The following MGAT4C variants were observed in gnomAD, a reference collection of about 807,000 sequenced individuals.
MGAT4C encodes the protein MGAT4 family member C.
Under a neutral mutation model 40.1 loss-of-function variants are expected in MGAT4C, and 19 were observed. That is an observed-to-expected ratio of 0.47 (90% CI 0.33 to 0.70). MGAT4C has a LOEUF of 0.70. Ranked by LOEUF, MGAT4C falls within the 30% of genes least tolerant of loss-of-function variation. The pLI, the probability that MGAT4C is intolerant of heterozygous loss-of-function variation, is 0.02. For synonymous variants in MGAT4C, 181 were observed against 187.1 expected (o/e 0.97, Z 0.27); for missense variants, 491 against 563.2 (o/e 0.87, Z 1.30).
At chr12:86,572,264 C>A (rs1041465136) in intron 2 of MGAT4C, among the ~76,000 whole-genome samples, 2 of 152,098 alleles carry the variant, frequency 1.3e-5, no homozygotes, top group African/African-American at 2.4e-5. Flanking sequence ...TAAATCAACA[C>A]AACCAGGCAG....
At chr12:86,733,142 A>G (rs1033044843) in intron 1 of MGAT4C, among the ~76,000 whole-genome samples, 1 of 152,076 alleles carries the variant, frequency 6.6e-6, no homozygotes, top group Non-Finnish European at 1.5e-5. Flanking sequence ...CATTAGAGAG[A>G]AATACTTAAA....
At chr12:86,480,152 T>G (rs1393748168) in intron 2 of MGAT4C, among the ~76,000 whole-genome samples, 1 of 151,774 alleles carries the variant, frequency 6.6e-6, no homozygotes, top group East Asian at 1.9e-4. Flanking sequence ...ATAAAAGTTT[T>G]GGAAAAAAAT....
chr12:86,149,408 T>C (rs953907710), intron 1 of MGAT4C, among the ~76,000 whole-genome samples: 4 of 152,234 alleles, frequency 2.6e-5, no homozygotes, highest in Admixed American at 2.0e-4. Flanking sequence ...TTTTAACTTA[T>C]GTAACCAAAG....
At chr12:86,541,707 T>C (rs1959168487) in intron 2 of MGAT4C, among the ~76,000 whole-genome samples, 1 of 152,242 alleles carries the variant, frequency 6.6e-6, no homozygotes, top group South Asian at 2.1e-4. Flanking sequence ...TTACAAATGA[T>C]AGGAACTTAA....
At chr12:86,357,986 G>A (rs1274058737) in intron 3 of MGAT4C, among the ~76,000 whole-genome samples, 2 of 152,010 alleles carry the variant, frequency 1.3e-5, no homozygotes, top group Non-Finnish European at 2.9e-5. Flanking sequence ...GAACACCACA[G>A]CGATACTCCT....
chr12:86,566,050 T>C (rs141403838), intron 2 of MGAT4C, among the ~76,000 whole-genome samples: 8 of 152,266 alleles, frequency 5.3e-5, no homozygotes, highest in African/African-American at 2.4e-5. Context: ...TGGCGACAAG[T>C]TGATTATATT....
intron 2 of MGAT4C, among the ~76,000 whole-genome samples, chr12:86,718,315 C>G (rs1188760801): frequency 1.3e-5 from 2 of 152,156 alleles, no homozygotes; most frequent in East Asian, 3.9e-4. Flanking sequence ...AAGCCCCAAA[C>G]AGTAGCTTAA....
chr12:86,734,453 C>A (rs1390214184), intron 1 of MGAT4C, among the ~76,000 whole-genome samples: 1 of 151,964 alleles, frequency 6.6e-6, no homozygotes, highest in South Asian at 2.1e-4. Flanking sequence ...ATAGTATGAG[C>A]TGAATATTTG....
At chr12:86,371,891 C>A (rs957365572) in intron 3 of MGAT4C, among the ~76,000 whole-genome samples, 1 of 151,818 alleles carries the variant, frequency 6.6e-6, no homozygotes, top group African/African-American at 2.4e-5. Flanking sequence ...TATAATAAGT[C>A]ATGAAATAAA....
intron 2 of MGAT4C, among the ~76,000 whole-genome samples, chr12:86,649,936 T>G (rs1311177492): frequency 1.3e-5 from 2 of 151,852 alleles, no homozygotes; most frequent in Non-Finnish European, 2.9e-5. Flanking sequence ...AATTTCAAAG[T>G]CAGTAGGACA....
At chr12:86,711,782 A>G (rs896537355) in intron 2 of MGAT4C, among the ~76,000 whole-genome samples, 2 of 152,170 alleles carry the variant, frequency 1.3e-5, no homozygotes, top group East Asian at 1.9e-4. Context: ...GTTGTTTTGT[A>G]TCAGAGCCAG....
chr12:86,638,085 C>T (rs138108562), intron 2 of MGAT4C, among the ~76,000 whole-genome samples: 266 of 149,078 alleles, frequency 1.8e-3, no homozygotes, highest in African/African-American at 6.0e-3. Flanking sequence ...TAATTTTATC[C>T]GTAAACAATT....
chr12:86,691,980 A>G (rs551638651), intron 2 of MGAT4C, among the ~76,000 whole-genome samples: 1 of 152,300 alleles, frequency 6.6e-6, no homozygotes, highest in South Asian at 2.1e-4. Flanking sequence ...TACTTTAATT[A>G]AGATATTGGT....
chr12:86,523,036 T>TA (rs1053278745), intron 2 of MGAT4C, among the ~76,000 whole-genome samples: 2 of 151,942 alleles, frequency 1.3e-5, no homozygotes, highest in Non-Finnish European at 2.9e-5. Flanking sequence ...TTCATTAATT[T>TA]AAAAAAACAA....
chr12:86,540,120 G>A (rs1436097980), intron 2 of MGAT4C, among the ~76,000 whole-genome samples: 1 of 152,152 alleles, frequency 6.6e-6, no homozygotes, highest in African/African-American at 2.4e-5. Flanking sequence ...GAATGGTAAT[G>A]CCTAGGTTTT....
At chr12:86,750,379 G>C (rs757454275) in intron 1 of MGAT4C, among the ~76,000 whole-genome samples, 1 of 151,634 alleles carries the variant, frequency 6.6e-6, no homozygotes, top group Non-Finnish European at 1.5e-5. Context: ...CATTAGTCAC[G>C]GGCTATACTT....
chr12:86,655,836 G>A (rs900668105), intron 2 of MGAT4C, among the ~76,000 whole-genome samples: 1 of 151,990 alleles, frequency 6.6e-6, no homozygotes, highest in East Asian at 1.9e-4. Flanking sequence ...TGTTATTACT[G>A]GTACTTGAAT....
At chr12:86,834,755 G>C (rs932161601) in intron 1 of MGAT4C, among the ~76,000 whole-genome samples, 2 of 151,830 alleles carry the variant, frequency 1.3e-5, no homozygotes, top group African/African-American at 2.4e-5. Context: ...TATAAATGAA[G>C]TCAGATGCCT....
intron 2 of MGAT4C, among the ~76,000 whole-genome samples, chr12:86,549,097 G>T (rs1959231068): frequency 6.6e-6 from 1 of 151,930 alleles, no homozygotes; most frequent in Non-Finnish European, 1.5e-5. Context: ...GTATATAGTA[G>T]CACTCTATAA....
Sources: gnomAD v4.1 joint callset for allele counts (sites outside exome capture counted in the v4.1 genomes callset) on GRCh38, gnomAD v4.1.1 for gene constraint, MANE v1.5 for transcripts, NCBI Gene and HGNC (gene_info 2026-07-23, HGNC 2026-07-21) for gene names.